NPAS3: variants seen among roughly 807,000 people sequenced by gnomAD.
The protein encoded by NPAS3 is neuronal PAS domain protein 3.
A neutral mutation model predicts 73.1 loss-of-function variants in NPAS3; 14 were observed. That is an observed-to-expected ratio of 0.19 (90% confidence interval 0.13 to 0.30). The LOEUF is 0.30. Ranked by LOEUF, NPAS3 falls within the 10% of genes least tolerant of loss-of-function variation. The probability of loss-of-function intolerance (pLI) is 1.00; values close to 1 mark genes in which losing one functional copy is unlikely to be tolerated. For synonymous variants in NPAS3, 620 were observed against 541.5 expected, an observed-to-expected ratio of 1.14 and a Z score of -2.01; for missense variants, 1,096 against 1,250.0, an observed-to-expected ratio of 0.88 and a Z score of 1.86.
chr14:33,716,491 T>C (rs1484655562), intron 6 of NPAS3, among the ~76,000 whole-genome samples: 2 of 152,180 alleles, frequency 1.3e-5, no homozygotes, highest in Admixed American at 6.5e-5. Flanking sequence ...ATAAAAGTTA[T>C]CATTTTGCCA....
intron 4 of NPAS3, among the ~76,000 whole-genome samples, chr14:33,529,562 C>CA (rs569687631): frequency 9.1e-4 from 138 of 152,154 alleles, no homozygotes; most frequent in African/African-American, 3.2e-3. Flanking sequence ...GTGACATTAT[C>CA]AATCCATTTC....
chr14:33,621,745 C>A (rs1386366151), intron 5 of NPAS3, among the ~76,000 whole-genome samples: 1 of 151,912 alleles, frequency 6.6e-6, no homozygotes, highest in South Asian at 2.1e-4. Context: ...CCTAAATAAG[C>A]AAACTACAAG....
intron 3 of NPAS3, among the ~76,000 whole-genome samples, chr14:33,318,496 C>G (rs1251999237): frequency 6.6e-6 from 1 of 151,968 alleles, no homozygotes; most frequent in African/African-American, 2.4e-5. Context: ...TCATTTATAC[C>G]TATTTTACCA....
intron 5 of NPAS3, chr14:33,612,373 C>G: frequency 2.2e-6 from 1 of 455,676 alleles, no homozygotes; most frequent in Non-Finnish European, 4.4e-6. Flanking sequence ...TCCCCACGCC[C>G]TGAAACCTGT....
chr14:32,999,721 G>A (rs567048781), intron 1 of NPAS3, among the ~76,000 whole-genome samples: 12 of 152,062 alleles, frequency 7.9e-5, no homozygotes, highest in Non-Finnish European at 1.6e-4. Context: ...TATATAGCCC[G>A]GGGAAAAATC....
At chr14:33,110,523 A>G (rs529465250) in intron 2 of NPAS3, among the ~76,000 whole-genome samples, 1 of 152,206 alleles carries the variant, frequency 6.6e-6, no homozygotes, top group South Asian at 2.1e-4. Flanking sequence ...TGAACACAAA[A>G]ACCTTTTCAA....
intron 4 of NPAS3, among the ~76,000 whole-genome samples, chr14:33,419,127 A>C (rs138966475): frequency 1.1e-3 from 173 of 152,052 alleles, no homozygotes; most frequent in Middle Eastern, 6.8e-3. Flanking sequence ...ATAATGATAA[A>C]TAGTTTTTTT....
At chr14:33,178,260 A>C (rs907402787) in intron 2 of NPAS3, among the ~76,000 whole-genome samples, 1 of 151,854 alleles carries the variant, frequency 6.6e-6, no homozygotes, top group Non-Finnish European at 1.5e-5. Flanking sequence ...TTTTTAGCAC[A>C]GATGGAGTTT....
intron 4 of NPAS3, among the ~76,000 whole-genome samples, chr14:33,480,444 C>T (rs1388884133): frequency 6.6e-6 from 1 of 151,994 alleles, no homozygotes; most frequent in African/African-American, 2.4e-5. Context: ...TTTTTCTGTT[C>T]CATAGAATTC....
chr14:33,659,909 C>G (rs993012947), intron 5 of NPAS3, among the ~76,000 whole-genome samples: 2 of 151,986 alleles, frequency 1.3e-5, no homozygotes, highest in African/African-American at 2.4e-5. Context: ...TATAAAGGAA[C>G]CAAATGGACT....
At chr14:33,784,694 G>A (rs1176762368) in intron 9 of NPAS3, among the ~76,000 whole-genome samples, 2 of 146,106 alleles carry the variant, frequency 1.4e-5, no homozygotes, top group Non-Finnish European at 3.0e-5. Flanking sequence ...ATTTCAATTA[G>A]TAGCTGCTTT....
rs1181864459 is a variant in NPAS3 at position 33,362,875 on chromosome 14, C to T, written c.386-4311C>T. The stretch of plus-strand genomic sequence containing the variant: ...TAAAACAATCCATTAGAAACCCTGC[C>T]TCACAGTGTCACAGTCCTCTTCACT... On this transcript the variant is annotated intron_variant, in intron 3 of 11. Coordinates refer to ENST00000356141, the Ensembl canonical transcript of NPAS3. Among the ~76,000 whole-genome samples, 9 of 152,284 alleles carry T rather than the reference C, an allele frequency of 5.9e-5. No homozygotes were observed. The East Asian group carries it at 7.7e-4, about 13-fold the overall frequency.
chr14:33,534,611 T>C (rs910279708), intron 4 of NPAS3, among the ~76,000 whole-genome samples: 1 of 152,200 alleles, frequency 6.6e-6, no homozygotes, highest in Non-Finnish European at 1.5e-5. Context: ...CTACCTCCTA[T>C]ATATGTATAG....
Position 33,240,779 on chromosome 14 carries a change from G to A in NPAS3, c.385+25353G>A, listed in dbSNP as rs139157378. On this transcript the variant is annotated intron_variant, in intron 3 of 11. Transcript: ENST00000356141. ...ATGTAGTTTTTAAGCACCTCTTAGGGACTTAATATTTCTACTCTGTTACAG... is the reference window on the plus strand; with the variant it reads ...ATGTAGTTTTTAAGCACCTCTTAGGAACTTAATATTTCTACTCTGTTACAG... Among the ~76,000 whole-genome samples the A allele has an allele frequency of 5.3e-5, 8 of 151,942 alleles. No individual in the cohort carries two copies. In the East Asian group the frequency reaches 1.5e-3, roughly 29 times the overall value.
chr14:33,306,846 A>T (rs918869567), intron 3 of NPAS3, among the ~76,000 whole-genome samples: 1 of 152,118 alleles, frequency 6.6e-6, no homozygotes, highest in Non-Finnish European at 1.5e-5. Context: ...GACACCGTAA[A>T]AATGCATTTG....
chr14:33,690,817 T>C (rs2060214878), intron 6 of NPAS3, among the ~76,000 whole-genome samples: 1 of 150,652 alleles, frequency 6.6e-6, no homozygotes, highest in Admixed American at 6.6e-5. Flanking sequence ...TTCAGTAAAC[T>C]GGCATATTTT....
At chr14:33,234,009 G>C (rs1215429450) in intron 3 of NPAS3, among the ~76,000 whole-genome samples, 1 of 152,028 alleles carries the variant, frequency 6.6e-6, no homozygotes, top group Non-Finnish European at 1.5e-5. Flanking sequence ...CAATTCAAAT[G>C]TATATTAGAT....
At chr14:33,414,658 G>A (rs1278819871) in intron 4 of NPAS3, among the ~76,000 whole-genome samples, 1 of 151,968 alleles carries the variant, frequency 6.6e-6, no homozygotes, top group East Asian at 1.9e-4. Flanking sequence ...TTTAATTATT[G>A]ATTTCTGACA....
At chr14:33,799,744 G>A in exon 12 of NPAS3, 1 of 1,570,898 alleles carries the variant, frequency 6.4e-7, no homozygotes, top group Non-Finnish European at 8.6e-7. Flanking sequence ...AGGACAACGA[G>A]AACTCCAAGT....
Sources: allele counts gnomAD v4.1 joint callset (sites outside exome capture counted in the v4.1 genomes callset), GRCh38; gene constraint gnomAD v4.1.1; transcripts MANE v1.5; gene names NCBI Gene and HGNC (gene_info 2026-07-23, HGNC 2026-07-21).